The following XIAP variants were observed in gnomAD, a reference collection of about 807,000 sequenced individuals.
XIAP encodes the protein X-linked inhibitor of apoptosis, also known as E3 ubiquitin-protein ligase XIAP.
In XIAP, 3 loss-of-function variants were observed where a neutral mutation model predicts 33.1. That is an observed-to-expected ratio of 0.09 (90% confidence interval 0.04 to 0.23). The LOEUF is 0.23. Among genes scored for constraint, XIAP ranks in the 10% least tolerant of loss-of-function variants. The pLI, the probability that XIAP is intolerant of heterozygous loss-of-function variation, is 1.00. For missense variants in XIAP, 264 were observed against 363.0 expected, an observed-to-expected ratio of 0.73 and a Z score of 2.22; for synonymous variants, 98 against 121.3, an observed-to-expected ratio of 0.81 and a Z score of 1.26.
At chrX:123,866,151 G>C (rs987414299) in intron 1 of XIAP, among the ~76,000 whole-genome samples, 1 of 110,219 alleles carries the variant, frequency 9.1e-6, no homozygotes, top group African/African-American at 3.3e-5. Context: ...ATGTTAACCA[G>C]GTTGGCCTCG....
chrX:123,909,000 T>C lies in XIAP; in HGVS notation c.*1819T>C, dbSNP rs764146559. ...CTGTTGATTACTACTTTAAGTGATA[T>C]TCATTTAAAACATTGCAAATTTATT... On this transcript the variant is annotated 3_prime_UTR_variant, in exon 7 of 7. Coordinates refer to ENST00000371199, the MANE Select transcript of XIAP (RefSeq NM_001167.4). The C allele has an allele frequency of 1.3e-5, 4 of 312,245 alleles. No individual in the cohort carries two copies. The highest frequency in any genetic ancestry group is 7.5e-5 in the East Asian group (1 of 13,273). The allele number at this position is 312,245 out of a possible 1,213,427, so 25.7% of individuals were successfully genotyped here.
At chrX:123,876,283 A>G (rs1274939647) in intron 1 of XIAP, among the ~76,000 whole-genome samples, 2 of 110,921 alleles carry the variant, frequency 1.8e-5, no homozygotes, top group Non-Finnish European at 3.8e-5. Flanking sequence ...AGTCAAAAAC[A>G]AGATAGATTA....
At chrX:123,862,949 G>A (rs1569475232) in intron 1 of XIAP, among the ~76,000 whole-genome samples, 3 of 110,319 alleles carry the variant, frequency 2.7e-5, no homozygotes, top group Admixed American at 9.8e-5. Flanking sequence ...TTAGCCGGGC[G>A]TGCTGGCTTG....
Position 123,886,120 on chromosome X carries a change from T to A in XIAP, c.458T>A (p.Ile153Lys). The A allele has an allele frequency of 8.3e-7, 1 of 1,211,589 alleles. No homozygotes were observed. Among genetic ancestry groups the A allele is most frequent in the Non-Finnish European group, 1.1e-6 (1 of 895,553 alleles). Residue 153 changes from isoleucine to lysine, a missense_variant, in exon 2 of 7, where the codon ATA becomes AAA. By Grantham distance (102) the Ile-to-Lys change is moderately radical (BLOSUM62 -3). Transcript: ENST00000371199. ...CAGGTTGTAGATATATCAGACACCA[T>A]ATACCCGAGGAACCCTGCCATGTAT... Reference protein sequence around the residue: ...TGQVVDISDTIYPRNPAMYSE... With the variant: ...TGQVVDISDTKYPRNPAMYSE...
chrX:123,907,445 C>A lies in XIAP; in HGVS notation c.*264C>A. The A allele has an allele frequency of 2.3e-6, 1 of 432,048 alleles. No homozygotes were observed. The highest frequency in any genetic ancestry group is 4.1e-6 in the Non-Finnish European group (1 of 242,855). 35.6% of individuals were successfully genotyped at this position (432,048 alleles called of 1,213,427 possible). On this transcript the variant is annotated 3_prime_UTR_variant, in exon 7 of 7. Coordinates refer to ENST00000371199, the MANE Select transcript of XIAP (RefSeq NM_001167.4). ...TAAGAAGCATCATACTATAACTGAA[C>A]ACAATGTGTATTCATAGTATACTGA...
chrX:123,868,422 GAAA>G (rs1279399185), intron 1 of XIAP, among the ~76,000 whole-genome samples: 4 of 110,012 alleles, frequency 3.6e-5, no homozygotes, highest in African/African-American at 1.3e-4. Flanking sequence ...TTTTGTCAAG[GAAA>G]AAAATTCCAC....
chrX:123,890,497 G>T (rs995736876), intron 3 of XIAP, among the ~76,000 whole-genome samples: 2 of 107,479 alleles, frequency 1.9e-5, no homozygotes, highest in Non-Finnish European at 3.8e-5. Context: ...AGTCATGATG[G>T]CACACACCTG....
At chrX:123,900,832 T>C (rs890663387) in intron 6 of XIAP, 139 bp downstream of exon 6, 62 of 543,659 alleles carry the variant, frequency 1.1e-4, no homozygotes, top group Admixed American at 8.3e-4. Flanking sequence ...GTTAGTCTGC[T>C]CAAGCTGCTA....
At chrX:123,865,758 T>A (rs1437985343) in intron 1 of XIAP, among the ~76,000 whole-genome samples, 1 of 110,289 alleles carries the variant, frequency 9.1e-6, no homozygotes, top group Non-Finnish European at 1.9e-5. Context: ...ATATTTTATT[T>A]TATTTATTTG....
At chrX:123,861,668 T>C (rs889623961) in intron 1 of XIAP, among the ~76,000 whole-genome samples, 1 of 112,105 alleles carries the variant, frequency 8.9e-6, no homozygotes, top group Non-Finnish European at 1.9e-5. Context: ...ATTGAAAAGT[T>C]TTAAAGTTCA....
At chrX:123,863,011 C>T (rs1399183978) in intron 1 of XIAP, among the ~76,000 whole-genome samples, 1 of 109,954 alleles carries the variant, frequency 9.1e-6, no homozygotes, top group Non-Finnish European at 1.9e-5. Context: ...ATCACCTGAG[C>T]CTTGGGAGGT....
At chrX:123,876,221 CTTT>C (rs67901381) in intron 1 of XIAP, among the ~76,000 whole-genome samples, 1 of 101,453 alleles carries the variant, frequency 9.9e-6, no homozygotes, top group Admixed American at 1.1e-4. Flanking sequence ...CCTCATGCTG[CTTT>C]TTTTTTTTTT....
chrX:123,860,454 G>T (rs1037798613), intron 1 of XIAP, 161 bp downstream of exon 1: 26 of 260,627 alleles, frequency 1.0e-4, no homozygotes, highest in Non-Finnish European at 1.9e-4. Flanking sequence ...CCGGCTGCTT[G>T]CCCGGGTTCC....
chrX:123,906,917 A>G, intron 6 of XIAP, 71 bp from the exon 7 acceptor site: 13 of 1,157,930 alleles, frequency 1.1e-5, no homozygotes, highest in South Asian at 1.8e-5. Flanking sequence ...TAGGGGCTCA[A>G]TAAATGTTTT....
intron 2 of XIAP, among the ~76,000 whole-genome samples, 168 bp downstream of exon 2, chrX:123,886,707 T>C (rs1312235032): frequency 9.0e-6 from 1 of 111,402 alleles, no homozygotes; most frequent in African/African-American, 3.3e-5. Flanking sequence ...ACCTGTAATG[T>C]AACTACTGAA....
At chrX:123,876,181 G>T (rs1341123915) in intron 1 of XIAP, among the ~76,000 whole-genome samples, 1 of 107,835 alleles carries the variant, frequency 9.3e-6, no homozygotes, top group African/African-American at 3.4e-5. Context: ...CCAAAGTGTT[G>T]GGATTACAGG....
chrX:123,866,493 T>TG (rs201902529), intron 1 of XIAP, among the ~76,000 whole-genome samples: 2 of 24,891 alleles, frequency 8.0e-5, no homozygotes, highest in African/African-American at 1.5e-4. Flanking sequence ...TATATATGAT[T>TG]AATATATAAT....
At chrX:123,883,119 G>A (rs776042231) in intron 1 of XIAP, among the ~76,000 whole-genome samples, 3 of 110,262 alleles carry the variant, frequency 2.7e-5, no homozygotes, top group Non-Finnish European at 5.7e-5. Flanking sequence ...GCCTCGCTCT[G>A]TCGCCCAGGA....
chrX:123,882,960 T>C (rs1302990716), intron 1 of XIAP, among the ~76,000 whole-genome samples: 3 of 110,075 alleles, frequency 2.7e-5, no homozygotes, highest in Non-Finnish European at 5.7e-5. Context: ...CTTTCTTTCT[T>C]TTTTATTTTT....
Sources: gnomAD v4.1 joint callset for allele counts (sites outside exome capture counted in the v4.1 genomes callset) on GRCh38, gnomAD v4.1.1 for gene constraint, MANE v1.5 for transcripts, NCBI Gene and HGNC (gene_info 2026-07-23, HGNC 2026-07-21) for gene names.